The following EVA1A variants were observed in gnomAD, a reference collection of about 807,000 sequenced individuals.
EVA1A encodes eva-1 homolog A, regulator of programmed cell death, also known as protein eva-1 homolog A.
EVA1A carries 7 observed loss-of-function variants against 9.8 expected under a neutral mutation model. The observed-to-expected ratio is 0.71, with a 90% CI of 0.41 to 1.34. The LOEUF is 1.34. Among genes scored for constraint, EVA1A ranks in the 40% most tolerant of loss-of-function variants. The pLI, the probability that EVA1A is intolerant of heterozygous loss-of-function variation, is 0.01. For synonymous variants in EVA1A, 90 were observed against 85.6 expected (o/e 1.05, Z -0.28); for missense variants, 206 against 205.9 (o/e 1.00, Z 0.00).
intron 2 of EVA1A, among the ~76,000 whole-genome samples, chr2:75,521,595 C>T (rs1439255965): frequency 6.6e-6 from 1 of 152,108 alleles, no homozygotes; most frequent in South Asian, 2.1e-4. Flanking sequence ...TATATGATTC[C>T]ACATGTATGA....
chr2:75,530,027 GAC>G (rs1322614448), intron 1 of EVA1A, among the ~76,000 whole-genome samples: 2 of 152,110 alleles, frequency 1.3e-5, no homozygotes, highest in Non-Finnish European at 2.9e-5. Context: ...AAAGAAGAGA[GAC>G]GATCCAAATA....
chr2:75,514,846 G>A (rs1008961966), intron 3 of EVA1A, among the ~76,000 whole-genome samples: 36 of 152,064 alleles, frequency 2.4e-4, no homozygotes, highest in South Asian at 6.2e-4. Context: ...TCTGGCTAGC[G>A]TATGTGTTTT....
chr2:75,567,834 G>A (rs947321229), intron 1 of EVA1A, among the ~76,000 whole-genome samples: 1 of 152,276 alleles, frequency 6.6e-6, no homozygotes, highest in Middle Eastern at 3.4e-3. Context: ...GAACACATCT[G>A]ATGGAGTTTG....
upstream of EVA1A, among the ~76,000 whole-genome samples, chr2:75,563,630 T>C (rs967853136): frequency 1.3e-5 from 2 of 152,262 alleles, no homozygotes; most frequent in African/African-American, 4.8e-5. Context: ...ATAAGAAAAC[T>C]GGAACAACAT....
intron 1 of EVA1A, among the ~76,000 whole-genome samples, chr2:75,530,392 A>T (rs1411983796): frequency 1.3e-4 from 20 of 152,238 alleles, no homozygotes; most frequent in Admixed American, 1.3e-3. Flanking sequence ...ATCCTTTTGA[A>T]ATCATTCTAT....
chr2:75,528,098 C>CCCCAGGGAAG lies in EVA1A; in HGVS notation c.-191-5621_-191-5612dup, dbSNP rs369032707. Reference sequence around the variant, plus strand: ...GAAGTGCCCTGTAGGCACTCCTGATCCCCAGGGAAGCCCAGCGAAGCCATT... The same window carrying CCCCAGGGAAG: ...GAAGTGCCCTGTAGGCACTCCTGATCCCCAGGGAAGCCCAGGGAAGCCCAGCGAAGCCATT... On this transcript the variant is annotated intron_variant, in intron 1 of 3. Coordinates refer to ENST00000393913, the MANE Select transcript of EVA1A (RefSeq NM_001135032.2). Among the ~76,000 whole-genome samples the CCCCAGGGAAG allele has an allele frequency of 5.8e-4, 88 of 152,330 alleles. 2 individuals carry two copies. The highest frequency in any genetic ancestry group is 2.0e-3 in the African/African-American group (83 of 41,564).
chr2:75,532,231 T>C (rs990279326), intron 1 of EVA1A, among the ~76,000 whole-genome samples: 8 of 138,988 alleles, frequency 5.8e-5, no homozygotes, highest in Admixed American at 7.2e-5. Flanking sequence ...CCAAAAACGA[T>C]TGAAATAAAA....
chr2:75,552,842 C>T (rs541179139), intron 1 of EVA1A, among the ~76,000 whole-genome samples: 2 of 152,286 alleles, frequency 1.3e-5, no homozygotes, highest in East Asian at 3.9e-4. Context: ...CAGGCTTTTT[C>T]ATCCCCTAAA....
At chr2:75,523,971 TG>T (rs1251411586) in intron 1 of EVA1A, 1 of 152,198 alleles carries the variant, frequency 6.6e-6, no homozygotes, top group Non-Finnish European at 1.5e-5. Context: ...AATTGAATCA[TG>T]GGGCAGTTAC....
chr2:75,493,231 G>A lies in EVA1A; in HGVS notation c.*5C>T. 6.2e-7 allele frequency: 1 copy of A among 1,604,250 alleles called. No homozygotes were observed. Among genetic ancestry groups the A allele is most frequent in the Non-Finnish European group, 8.5e-7 (1 of 1,174,290 alleles). Reference sequence around the variant, plus strand: ...CTCCAGTGGTTTCCGGGGTCCTGCTGCTCCCTAATAGTAGCGATTCAGGCT... The same window carrying A: ...CTCCAGTGGTTTCCGGGGTCCTGCTACTCCCTAATAGTAGCGATTCAGGCT... On this transcript the variant is annotated 3_prime_UTR_variant, in exon 4 of 4. Coordinates refer to ENST00000393913, the MANE Select transcript of EVA1A (RefSeq NM_001135032.2).
intron 3 of EVA1A, among the ~76,000 whole-genome samples, chr2:75,508,043 T>C (rs906260380): frequency 6.6e-6 from 1 of 152,228 alleles, no homozygotes; most frequent in African/African-American, 2.4e-5. Flanking sequence ...TGGACACTTA[T>C]CACTTCCCCA....
intron 3 of EVA1A, among the ~76,000 whole-genome samples, chr2:75,511,207 A>T (rs1674799829): frequency 6.6e-6 from 1 of 152,194 alleles, no homozygotes; most frequent in South Asian, 2.1e-4. Flanking sequence ...AATTGGTAAA[A>T]TTATTTAAAA....
chr2:75,517,750 T>C, intron 3 of EVA1A: 2 of 715,446 alleles, frequency 2.8e-6, no homozygotes, highest in Non-Finnish European at 5.2e-6. Flanking sequence ...GCCCCCTCCT[T>C]GGTCAGAGTT....
intron 1 of EVA1A, among the ~76,000 whole-genome samples, chr2:75,546,845 G>T (rs950149680): frequency 3.5e-5 from 5 of 142,280 alleles, no homozygotes; most frequent in African/African-American, 8.0e-5. Context: ...AGGAAATTTG[G>T]ACACAGACAC....
intron 3 of EVA1A, among the ~76,000 whole-genome samples, chr2:75,493,878 CA>C (rs762099002): frequency 3.3e-5 from 5 of 152,188 alleles, no homozygotes; most frequent in Non-Finnish European, 5.9e-5. Context: ...GAAAGAAAAA[CA>C]GTAATTATTT....
At chr2:75,553,563 G>A (rs1676599056) in intron 1 of EVA1A, among the ~76,000 whole-genome samples, 1 of 152,184 alleles carries the variant, frequency 6.6e-6, no homozygotes, top group Non-Finnish European at 1.5e-5. Context: ...GCACATGAAG[G>A]TGTCAATAAG....
In EVA1A at chr2:75,493,625, G is replaced by A; in HGVS notation, c.86-16C>T. 6.4e-7 allele frequency: 1 copy of A among 1,563,898 alleles called. No individual in the cohort carries two copies. Among genetic ancestry groups the A allele is most frequent in the South Asian group, 1.2e-5 (1 of 81,954 alleles). Reference sequence around the variant, plus strand: ...TCAGGATTTTCTGGAGGAAGAAGAGGAAGAAGCAAGCATTTGAGAGATGAC... The same window carrying A: ...TCAGGATTTTCTGGAGGAAGAAGAGAAAGAAGCAAGCATTTGAGAGATGAC... On this transcript the variant is annotated splice_polypyrimidine_tract_variant and intron_variant, in intron 3 of 3. Coordinates refer to ENST00000393913, the MANE Select transcript of EVA1A (RefSeq NM_001135032.2).
chr2:75,565,977 C>T (rs747777410), intron 1 of EVA1A, among the ~76,000 whole-genome samples: 4 of 151,912 alleles, frequency 2.6e-5, no homozygotes, highest in Admixed American at 6.6e-5. Context: ...TTCTCTTTTT[C>T]TCTCTCTCTC....
At chr2:75,501,874 G>A (rs1674437662) in intron 3 of EVA1A, among the ~76,000 whole-genome samples, 1 of 152,152 alleles carries the variant, frequency 6.6e-6, no homozygotes, top group African/African-American at 2.4e-5. Flanking sequence ...CCTACACCAT[G>A]AAGCCTTGAA....
Sources: gnomAD v4.1 joint callset for allele counts (sites outside exome capture counted in the v4.1 genomes callset) on GRCh38, gnomAD v4.1.1 for gene constraint, MANE v1.5 for transcripts, NCBI Gene and HGNC (gene_info 2026-07-23, HGNC 2026-07-21) for gene names.